The following PAX2 variants were observed in gnomAD, a reference collection of about 807,000 sequenced individuals.
The protein encoded by PAX2 is paired box 2.
In PAX2, 9 loss-of-function variants were observed where a neutral mutation model predicts 41.7. That is an observed-to-expected ratio of 0.22 (90% CI 0.13 to 0.38). The LOEUF (loss-of-function observed/expected upper bound fraction) is 0.38, where lower values mean the gene tolerates loss of function less well. Ranked by LOEUF, PAX2 falls within the 10% of genes least tolerant of loss-of-function variation. The pLI is 1.00. For missense variants in PAX2, 418 were observed against 531.6 expected, an observed-to-expected ratio of 0.79 and a Z score of 2.10; for synonymous variants, 221 against 212.7, an observed-to-expected ratio of 1.04 and a Z score of -0.34.
chr10:100,816,596 G>A (rs1848192723), intron 7 of PAX2, among the ~76,000 whole-genome samples: 1 of 152,142 alleles, frequency 6.6e-6, no homozygotes, highest in African/African-American at 2.4e-5. Flanking sequence ...GTTTCCCCCA[G>A]AGGGCCGGCC....
intron 1 of PAX2, among the ~76,000 whole-genome samples, chr10:100,740,478 C>A (rs1844915300): frequency 6.6e-6 from 1 of 152,168 alleles, no homozygotes; most frequent in African/African-American, 2.4e-5. Flanking sequence ...CCCCAGTAAC[C>A]TTTATAGGAT....
Position 100,829,020 on chromosome 10 carries a change from G to A in PAX2, c.*1401G>A, listed in dbSNP as rs1019242887. 2 of 226,662 alleles carry A rather than the reference G, an allele frequency of 8.8e-6. No individual in the cohort carries two copies. Among genetic ancestry groups the A allele is most frequent in the African/African-American group, 2.2e-5 (1 of 44,782 alleles). The allele number at this position is 226,662 out of a possible 1,614,324, so 14.0% of individuals were successfully genotyped here. A position where few individuals can be genotyped will look rare whatever the true frequency, so the allele number is the denominator to read the frequency against. Reference sequence around the variant, plus strand: ...CTGTGAGAGTCGCCGCTCGCTGGGGGGGAAGGGGGGGACACAGCTACACGC... The same window carrying A: ...CTGTGAGAGTCGCCGCTCGCTGGGGAGGAAGGGGGGGACACAGCTACACGC... On this transcript the variant is annotated 3_prime_UTR_variant, in exon 10 of 10. Transcript: ENST00000355243.
chr10:100,799,151 G>A (rs1484025620), intron 5 of PAX2, among the ~76,000 whole-genome samples: 1 of 152,184 alleles, frequency 6.6e-6, no homozygotes, highest in East Asian at 1.9e-4. Context: ...ATCAGAACGG[G>A]CAGAGCCCCC....
chr10:100,806,701 C>T (rs757552443), intron 6 of PAX2, 96 bp downstream of exon 6: 5 of 1,027,596 alleles, frequency 4.9e-6, no homozygotes, highest in Non-Finnish European at 7.6e-6. Flanking sequence ...GCATAGCCAG[C>T]ATTGTATGTG....
In PAX2 at chr10:100,779,167, C is replaced by T. The variant is rs546933930; in HGVS notation, c.411-331C>T. The stretch of plus-strand genomic sequence containing the variant: ...GTGGACAACAAGCCACTAGGGCAGT[C>T]CTCACCCTGCAGAAAAAGAAAGGAT... On this transcript the variant is annotated intron_variant, in intron 3 of 9. Coordinates refer to ENST00000355243, the MANE Select transcript of PAX2 (RefSeq NM_000278.5). Among the ~76,000 whole-genome samples the T allele has an allele frequency of 1.3e-3, 199 of 152,296 alleles. 1 individual carries two copies. The highest frequency in any genetic ancestry group is 4.7e-3 in the African/African-American group (194 of 41,546).
intron 7 of PAX2, among the ~76,000 whole-genome samples, chr10:100,818,480 C>T (rs532002125): frequency 4.2e-4 from 64 of 152,288 alleles, no homozygotes; most frequent in Non-Finnish European, 6.9e-4. Flanking sequence ...TGCCAAAGAA[C>T]GGGGCTCTTT....
upstream of PAX2, among the ~76,000 whole-genome samples, chr10:100,742,843 C>CATTTTTTTTTTTT (rs1845014342): frequency 2.4e-5 from 1 of 41,206 alleles, no homozygotes; most frequent in South Asian, 1.1e-3. Flanking sequence ...TTCTTTCTTC[C>CATTTTTTTTTTTT]TTTTTTTTTT....
chr10:100,819,570 TAATAAA>T (rs955203500), intron 7 of PAX2, among the ~76,000 whole-genome samples: 21 of 152,030 alleles, frequency 1.4e-4, no homozygotes, highest in African/African-American at 4.6e-4. Context: ...GACTCCGTCT[TAATAAA>T]AATAAAAATA....
At position 100,750,407 on chromosome 10, in the gene PAX2, A is replaced by G. The variant is rs1246976744; in HGVS notation, c.213-287A>G. On this transcript the variant is annotated intron_variant, in intron 2 of 9. Coordinates refer to ENST00000355243, the MANE Select transcript of PAX2 (RefSeq NM_000278.5). This position sits in a 1 kb window ranked among gnomAD's most constrained non-coding sequence, Gnocchi z 4.1. ...CAGCGCTGTTCGTTTTGCTCTTCCC[A>G]AGTGAAAGGCTGGGCTTTCACTCCC... Among the ~76,000 whole-genome samples, 1 of 151,976 alleles carries G rather than the reference A, an allele frequency of 6.6e-6. No individual in the cohort carries two copies.
At chr10:100,790,344 C>T (rs1368813481) in intron 5 of PAX2, among the ~76,000 whole-genome samples, 2 of 152,118 alleles carry the variant, frequency 1.3e-5, no homozygotes, top group Non-Finnish European at 2.9e-5. Context: ...TACTCCTGCC[C>T]AGCTCCATGT....
intron 3 of PAX2, among the ~76,000 whole-genome samples, chr10:100,751,174 G>A (rs555379481): frequency 1.2e-4 from 19 of 152,294 alleles, no homozygotes; most frequent in Admixed American, 1.0e-3. Flanking sequence ...CCAAGATTAC[G>A]AGCATCCAGC....
chr10:100,824,397 A>ACACACACACAC lies in PAX2; in HGVS notation c.920-251_920-250insCACACACACAC, dbSNP rs1848476292. On this transcript the variant is annotated intron_variant, in intron 7 of 9. Coordinates refer to ENST00000355243, the MANE Select transcript of PAX2 (RefSeq NM_000278.5). The surrounding 1 kb of genome is among the most constrained non-coding windows in gnomAD (Gnocchi z 6.6). ...ACACACACACACACACACACACACA[A>ACACACACACAC]ATACACAGAGACACAAAGAGCTACA... Among the ~76,000 whole-genome samples, 1 of 75,424 alleles carries ACACACACACAC rather than the reference A, an allele frequency of 1.3e-5. No homozygotes were observed. The highest frequency in any genetic ancestry group is 1.3e-4 in the Admixed American group (1 of 7,828). 49.5% of individuals were successfully genotyped at this position (75,424 alleles called of 152,430 possible). A position where few individuals can be genotyped will look rare whatever the true frequency, so the allele number is the denominator to read the frequency against.
chr10:100,792,808 C>T (rs963063263), intron 5 of PAX2, among the ~76,000 whole-genome samples: 131 of 151,270 alleles, frequency 8.7e-4, no homozygotes, highest in African/African-American at 3.1e-3. Context: ...AGCCTTGCTA[C>T]ACACACAAAA....
chr10:100,764,136 ATTTTT>A (rs145391942), intron 3 of PAX2, among the ~76,000 whole-genome samples: 4 of 103,744 alleles, frequency 3.9e-5, no homozygotes, highest in Non-Finnish European at 7.3e-5. Context: ...CAAACATTGA[ATTTTT>A]TTTTTTTTTT....
intron 1 of PAX2, 94 bp from the exon 2 acceptor site, chr10:100,749,652 C>A: frequency 6.5e-7 from 1 of 1,534,854 alleles, no homozygotes. Flanking sequence ...TCCGCCCTGC[C>A]TGCTTCCTTC....
intron 5 of PAX2, 35 bp downstream of exon 5, chr10:100,781,400 A>G (rs565364333): frequency 6.2e-7 from 1 of 1,612,214 alleles, no homozygotes; most frequent in South Asian, 1.1e-5. Context: ...CTTCCCCTTC[A>G]CATGCTTTGT....
chr10:100,750,830 C>T lies in PAX2; in HGVS notation c.349C>T (p.Arg117Trp), dbSNP rs1401586868. 5.6e-6 allele frequency: 9 copies of T among 1,614,038 alleles called. No homozygotes were observed. The highest frequency in any genetic ancestry group is 7.6e-6 in the Non-Finnish European group (9 of 1,180,012). ...PTMFAWEIRD[R>W]LLAEGICDND... is the part of the protein sequence containing the mutation. ...TATGTTCGCCTGGGAGATTCGAGAC[C>T]GGCTCCTGGCCGAGGGCATCTGTGA... The change falls in exon 3 of 10, where the codon CGG (arginine) becomes TGG (tryptophan). Residue 117 changes from arginine (R) to tryptophan (W), a missense_variant. By Grantham distance (101) the Arg-to-Trp change is moderately radical. This residue lies in a region of PAX2 where 108 missense variants were observed against 206.3 expected (regional missense o/e 0.52). Transcript: ENST00000355243. The surrounding 1 kb of genome is among the most constrained non-coding windows in gnomAD (Gnocchi z 4.1).
chr10:100,774,416 C>A (rs191675953), intron 3 of PAX2, among the ~76,000 whole-genome samples: 3 of 152,182 alleles, frequency 2.0e-5, no homozygotes, highest in Admixed American at 2.0e-4. Flanking sequence ...CTTGGTCCAG[C>A]CCCCAGTCTG....
intron 5 of PAX2, among the ~76,000 whole-genome samples, chr10:100,797,540 A>G (rs935627249): frequency 6.6e-6 from 1 of 152,266 alleles, no homozygotes; most frequent in Non-Finnish European, 1.5e-5. Flanking sequence ...TGCCTGATAT[A>G]TACTAAGCAC....
Sources: allele counts gnomAD v4.1 joint callset (sites outside exome capture counted in the v4.1 genomes callset), GRCh38; gene constraint gnomAD v4.1.1; regional missense constraint gnomAD v4.1.1; non-coding constraint Gnocchi (gnomAD v3.1); transcripts MANE v1.5; gene names NCBI Gene and HGNC (gene_info 2026-07-23, HGNC 2026-07-21).